TRAM1: variants seen among roughly 807,000 people sequenced by gnomAD.
The protein encoded by TRAM1 is translocation associated membrane protein 1.
TRAM1 carries 17 observed loss-of-function variants against 48.7 expected under a neutral mutation model. The ratio of observed to expected loss-of-function variants is 0.35; its 90% CI spans 0.24 to 0.52. TRAM1 has a LOEUF of 0.52. Among genes scored for constraint, TRAM1 ranks in the 20% least tolerant of loss-of-function variants. The pLI, the probability that TRAM1 is intolerant of heterozygous loss-of-function variation, is 0.94. For synonymous variants in TRAM1, 182 were observed against 154.0 expected, an observed-to-expected ratio of 1.18 and a Z score of -1.34; for missense variants, 351 against 441.5, an observed-to-expected ratio of 0.79 and a Z score of 1.84.
In TRAM1 at chr8:70,583,188, C is replaced by T. The variant is rs1288372776; in HGVS notation, c.1027G>A (p.Gly343Ser). Reference protein sequence around the residue: ...AVKKKPTVTKGRSSKKGTENG... With the variant: ...AVKKKPTVTKSRSSKKGTENG... The stretch of plus-strand genomic sequence containing the variant: ...CCTGTTCCTTTTTTAGAAGATCTGC[C>T]TTTAGTTACTGTTGGTTTCTTCTTC... Residue 343 changes from glycine to serine, a missense_variant, in exon 10 of 11, where the codon GGC becomes AGC. Gly to Ser is a moderately conservative substitution (Grantham distance 56, BLOSUM62 0). Coordinates refer to ENST00000262213, the MANE Select transcript of TRAM1 (RefSeq NM_014294.6). 6 of 1,613,638 alleles carry T rather than the reference C, an allele frequency of 3.7e-6. No homozygotes were observed. Among genetic ancestry groups the T allele is most frequent in the Non-Finnish European group, 5.1e-6 (6 of 1,179,854 alleles).
At chr8:70,583,456 A>G in intron 9 of TRAM1, 132 bp from the exon 10 acceptor site, 2 of 1,294,490 alleles carry the variant, frequency 1.5e-6, no homozygotes, top group South Asian at 3.2e-5. Context: ...CATTGCATTA[A>G]TAATTTATCC....
chr8:70,593,278 G>T (rs377170361), intron 6 of TRAM1, among the ~76,000 whole-genome samples: 3 of 151,992 alleles, frequency 2.0e-5, no homozygotes, highest in African/African-American at 7.2e-5. Context: ...CAAGTGCCTA[G>T]TCCATGAATT....
In TRAM1 at chr8:70,608,064, G is replaced by A. The variant is rs759432076; in HGVS notation, c.123+13C>T. The stretch of plus-strand genomic sequence containing the variant: ...GTGGCGGGGCAGGCGGTTGGGACTC[G>A]GGGCGGGCTCACCTCAAACATGAGC... On this transcript the variant is annotated intron_variant, in intron 1 of 10. Coordinates refer to ENST00000262213, the MANE Select transcript of TRAM1 (RefSeq NM_014294.6). 4.9e-5 allele frequency: 78 copies of A among 1,583,408 alleles called. No homozygotes were observed. Among genetic ancestry groups the A allele is most frequent in the South Asian group, 4.4e-4 (39 of 88,612 alleles).
intron 8 of TRAM1, 81 bp from the exon 9 acceptor site, chr8:70,583,874 G>A (rs1359701580): frequency 8.2e-6 from 12 of 1,465,024 alleles, no homozygotes; most frequent in East Asian, 2.5e-5. Context: ...TAAGTTGGGC[G>A]TGGTGGCAGA....
intron 6 of TRAM1, among the ~76,000 whole-genome samples, chr8:70,589,375 C>T (rs953983651): frequency 6.6e-6 from 1 of 152,072 alleles, no homozygotes; most frequent in African/African-American, 2.4e-5. Flanking sequence ...TCTCTTCTCC[C>T]GTTATAATCA....
In TRAM1 at chr8:70,586,681, T is replaced by C. The variant is rs539226677; in HGVS notation, c.746+214A>G. ...AGTAAACCCAAGAAGCCTTCAAAAT[T>C]GCAAGATACAATACAGTATCTCTCT... On this transcript the variant is annotated intron_variant, in intron 8 of 10. Coordinates refer to ENST00000262213, the MANE Select transcript of TRAM1 (RefSeq NM_014294.6). 3.3e-5 allele frequency among the ~76,000 whole-genome samples: 5 copies of C among 152,268 alleles called. No individual in the cohort carries two copies. The East Asian group carries it at 9.6e-4, about 29-fold the overall frequency.
At position 70,573,368 on chromosome 8, in the gene TRAM1, A is replaced by G. The variant is rs142221386; in HGVS notation, c.*1564T>C. On this transcript the variant is annotated 3_prime_UTR_variant, in exon 11 of 11. Coordinates refer to ENST00000262213, the MANE Select transcript of TRAM1 (RefSeq NM_014294.6). ...TGAATGTCTATGAAGTGTTTTAAAT[A>G]TGGTACATTTTAATGAGGTTATATA... is the stretch of plus-strand genomic sequence containing the variant. 128 of 152,718 alleles carry G rather than the reference A, an allele frequency of 8.4e-4. No homozygotes were observed. The highest frequency in any genetic ancestry group is 3.0e-3 in the African/African-American group (126 of 41,570). 9.5% of individuals were successfully genotyped at this position (152,718 alleles called of 1,614,324 possible).
chr8:70,578,940 A>T (rs1012377685), intron 10 of TRAM1, among the ~76,000 whole-genome samples: 8 of 152,236 alleles, frequency 5.3e-5, no homozygotes, highest in African/African-American at 1.9e-4. Context: ...CCCACAGTCA[A>T]CCATGGTCTG....
chr8:70,575,094 A>C, intron 10 of TRAM1, 89 bp from the exon 11 acceptor site: 1 of 955,560 alleles, frequency 1.0e-6, no homozygotes, highest in Non-Finnish European at 1.5e-6. Context: ...CAGAAAAGAA[A>C]ATGTAAAATC....
intron 1 of TRAM1, 33 bp downstream of exon 1, chr8:70,608,044 G>C (rs1359951416): frequency 6.4e-7 from 1 of 1,556,862 alleles, no homozygotes; most frequent in Non-Finnish European, 8.7e-7. Flanking sequence ...TGGAGGTGGC[G>C]GGGCAGGCGG....
At chr8:70,603,122 C>T (rs1817638013) in intron 1 of TRAM1, among the ~76,000 whole-genome samples, 1 of 152,050 alleles carries the variant, frequency 6.6e-6, no homozygotes, top group African/African-American at 2.4e-5. Flanking sequence ...TTAACAAGGA[C>T]TCATTAGAGC....
intron 10 of TRAM1, among the ~76,000 whole-genome samples, chr8:70,575,590 T>C (rs1483010618): frequency 3.3e-5 from 5 of 151,990 alleles, no homozygotes; most frequent in African/African-American, 1.2e-4. Context: ...ACCTGGCTAA[T>C]AGTAATGGCC....
intron 1 of TRAM1, chr8:70,607,259 G>C (rs911737544): frequency 1.0e-6 from 1 of 985,148 alleles, no homozygotes; most frequent in Non-Finnish European, 1.2e-6. Context: ...TACGTGGGAA[G>C]AGAATTTACA....
Position 70,587,130 on chromosome 8 carries a change from T to C in TRAM1, c.617A>G (p.His206Arg). ...QLVYIGLYLF[H>R]IAGAYLLNLN... The stretch of plus-strand genomic sequence containing the variant: ...CTTCAAAAGGTAAGCTCCAGCAATG[T>C]GGAAGAGGTAAAGACCAATGTAGAC... The change falls in exon 7 of 11, where the codon CAC (histidine) becomes CGC (arginine). Residue 206 changes from histidine (H) to arginine (R), a missense_variant. His to Arg is a conservative substitution (Grantham distance 29, BLOSUM62 0). Coordinates refer to ENST00000262213, the MANE Select transcript of TRAM1 (RefSeq NM_014294.6). 6.2e-7 allele frequency: 1 copy of C among 1,614,002 alleles called. No individual in the cohort carries two copies.
In TRAM1 at chr8:70,600,006, G is replaced by T; in HGVS notation, c.187+13C>A. 6.2e-7 allele frequency: 1 copy of T among 1,609,776 alleles called. No homozygotes were observed. The highest frequency in any genetic ancestry group is 1.1e-5 in the South Asian group (1 of 90,880). ...TCTATTTACGTAGAAAATTCTTAGC[G>T]TAAATTACCTACCTGTTGCTGGGAG... On this transcript the variant is annotated intron_variant, in intron 2 of 10. Coordinates refer to ENST00000262213, the MANE Select transcript of TRAM1 (RefSeq NM_014294.6).
In TRAM1 at chr8:70,597,925, G is replaced by A. The variant is rs1303884932; in HGVS notation, c.396C>T (p.Ala132=). The A allele has an allele frequency of 6.2e-7, 1 of 1,600,028 alleles. No individual in the cohort carries two copies. Among genetic ancestry groups the A allele is most frequent in the African/African-American group, 1.3e-5 (1 of 74,726 alleles). Residue 132 remains alanine (A), a synonymous_variant, in exon 4 of 11, where the codon GCC becomes GCT. Coordinates refer to ENST00000262213, the MANE Select transcript of TRAM1 (RefSeq NM_014294.6). ...SGQLSAFYLF[A]CVWGTFILIS... ...TGAGAATGAATGTGCCCCAAACACAGGCAAAAAGGTAGAACGCACTAAGCT... is the reference window on the plus strand; with the variant it reads ...TGAGAATGAATGTGCCCCAAACACAAGCAAAAAGGTAGAACGCACTAAGCT...
chr8:70,585,224 T>C (rs1817184252), intron 8 of TRAM1, among the ~76,000 whole-genome samples: 1 of 152,152 alleles, frequency 6.6e-6, no homozygotes, highest in South Asian at 2.1e-4. Flanking sequence ...GCTAGCCATA[T>C]GTAGAAAGCT....
intron 6 of TRAM1, 66 bp from the exon 7 acceptor site, chr8:70,587,242 G>A: frequency 2.9e-5 from 44 of 1,510,010 alleles, no homozygotes; most frequent in Non-Finnish European, 3.9e-5. Context: ...TTTAAGAGGT[G>A]TGGTCTTGCT....
rs530290764 is a variant in TRAM1, at chr8:70,584,465, T to C, written c.747-672A>G. On this transcript the variant is annotated intron_variant, in intron 8 of 10. Coordinates refer to ENST00000262213, the MANE Select transcript of TRAM1 (RefSeq NM_014294.6). Reference sequence around the variant, plus strand: ...AGGCAGGAGAAGGAAATAAAGGGTATTCAATTAGGAAAAGTGGAAGTCTAA... The same window carrying C: ...AGGCAGGAGAAGGAAATAAAGGGTACTCAATTAGGAAAAGTGGAAGTCTAA... 5.3e-5 allele frequency among the ~76,000 whole-genome samples: 8 copies of C among 152,310 alleles called. No individual in the cohort carries two copies. The East Asian group carries it at 9.7e-4, about 18-fold the overall frequency.
Sources: allele counts gnomAD v4.1 joint callset (sites outside exome capture counted in the v4.1 genomes callset), GRCh38; gene constraint gnomAD v4.1.1; transcripts MANE v1.5; gene names NCBI Gene and HGNC (gene_info 2026-07-23, HGNC 2026-07-21).